DERA: variants seen among roughly 807,000 people sequenced by gnomAD.
The protein encoded by DERA is 2-deoxy-D-ribose 5-phosphate aldolase.
A neutral mutation model predicts 41.1 loss-of-function variants in DERA; 15 were observed. That is an observed-to-expected ratio of 0.37 (90% CI 0.24 to 0.56). The LOEUF (loss-of-function observed/expected upper bound fraction) is 0.56. Among genes scored for constraint, DERA ranks in the 20% least tolerant of loss-of-function variants. The pLI is 0.81. For synonymous variants in DERA, 139 were observed against 137.4 expected (o/e 1.01, Z -0.08); for missense variants, 396 against 403.4 (o/e 0.98, Z 0.16).
rs1048201196 is a variant in DERA at position 15,957,660 on chromosome 12, A to G, written c.130-528A>G. On this transcript the variant is annotated intron_variant, in intron 2 of 8. Transcript: ENST00000428559. This position sits in a 1 kb window ranked among gnomAD's most constrained non-coding sequence, Gnocchi z 4.8. ...TCACGTTTTGCTCATCCTTAGAAATATTCTGGTTGAAAAGGTAAAATAAAA... is the reference window on the plus strand; with the variant it reads ...TCACGTTTTGCTCATCCTTAGAAATGTTCTGGTTGAAAAGGTAAAATAAAA... Among the ~76,000 whole-genome samples the G allele has an allele frequency of 6.6e-6, 1 of 152,230 alleles. No homozygotes were observed. Among genetic ancestry groups the G allele is most frequent in the Non-Finnish European group, 1.5e-5 (1 of 68,044 alleles).
chr12:15,942,625 A>G (rs1565590305), intron 1 of DERA, among the ~76,000 whole-genome samples: 1 of 152,192 alleles, frequency 6.6e-6, no homozygotes, highest in Non-Finnish European at 1.5e-5. Context: ...GTAGCCACGA[A>G]TATTCTGAGT....
In DERA at chr12:15,940,537, G is replaced by A. The variant is rs142870959; in HGVS notation, c.32-16399G>A. On this transcript the variant is annotated intron_variant, in intron 1 of 8. Transcript: ENST00000428559. This position sits in a 1 kb window ranked among gnomAD's most constrained non-coding sequence, Gnocchi z 5.1. ...TGGCTGATTTTTTGTATTTGTAGTA[G>A]AGACAGAGTTTCACCATGTTAGCCA... 9.9e-4 allele frequency among the ~76,000 whole-genome samples: 151 copies of A among 152,182 alleles called. 2 individuals carry two copies. The East Asian group carries it at 0.027, about 27-fold the overall frequency.
chr12:15,995,746 A>C lies in DERA; in HGVS notation c.637+13310A>C, dbSNP rs1445150897. On this transcript the variant is annotated intron_variant, in intron 6 of 8. Transcript: ENST00000428559. The surrounding 1 kb of genome is among the most constrained non-coding windows in gnomAD (Gnocchi z 5.1). ...CACAGCACAGGATGAGATAAATTGA[A>C]CCCTTCTCATGAAGAGTGGTTGGAA... is the stretch of plus-strand genomic sequence containing the variant. 1.3e-5 allele frequency among the ~76,000 whole-genome samples: 2 copies of C among 152,110 alleles called. No homozygotes were observed. Among genetic ancestry groups the C allele is most frequent in the African/African-American group, 4.8e-5 (2 of 41,404 alleles).
intron 4 of DERA, among the ~76,000 whole-genome samples, chr12:15,960,967 A>G (rs1404633905): frequency 6.6e-6 from 1 of 152,170 alleles, no homozygotes; most frequent in African/African-American, 2.4e-5. Context: ...CTAGAGAGGG[A>G]GATCAGGGCA....
rs1948247412 is a variant in DERA, at chr12:15,921,935, A to G, written c.31+10521A>G. Among the ~76,000 whole-genome samples, 1 of 152,090 alleles carries G rather than the reference A, an allele frequency of 6.6e-6. No homozygotes were observed. The highest frequency in any genetic ancestry group is 1.5e-5 in the Non-Finnish European group (1 of 68,022). ...GCAAAACTCCATCTCAGATAATAATAATAATAATAAATAATTTTCCAAGGA... is the reference window on the plus strand; with the variant it reads ...GCAAAACTCCATCTCAGATAATAATGATAATAATAAATAATTTTCCAAGGA... On this transcript the variant is annotated intron_variant, in intron 1 of 8. Transcript: ENST00000428559. The surrounding 1 kb of genome is among the most constrained non-coding windows in gnomAD (Gnocchi z 5.3).
At position 16,008,772 on chromosome 12, in the gene DERA, C is replaced by T. The variant is rs1000655680; in HGVS notation, c.638-23770C>T. On this transcript the variant is annotated intron_variant, in intron 6 of 8. Coordinates refer to ENST00000428559, the MANE Select transcript of DERA (RefSeq NM_015954.4). This position sits in a 1 kb window ranked among gnomAD's most constrained non-coding sequence, Gnocchi z 4.8. ...GGTTACAAGATGGCTGCCACAGCTCCAGTCATGTTTATATTCAGAATAGGA... is the reference window on the plus strand; with the variant it reads ...GGTTACAAGATGGCTGCCACAGCTCTAGTCATGTTTATATTCAGAATAGGA... 8.5e-5 allele frequency among the ~76,000 whole-genome samples: 13 copies of T among 152,196 alleles called. No homozygotes were observed. Among genetic ancestry groups the T allele is most frequent in the Admixed American group, 8.5e-4 (13 of 15,276 alleles).
At position 15,928,419 on chromosome 12, in the gene DERA, A is replaced by T. The variant is rs1378495084; in HGVS notation, c.31+17005A>T. ...GATTTTTGAACAAGAAACAGAAAGG[A>T]TTACTTTAAATTTCAACTCTTTCTG... On this transcript the variant is annotated intron_variant, in intron 1 of 8. Coordinates refer to ENST00000428559, the MANE Select transcript of DERA (RefSeq NM_015954.4). This position sits in a 1 kb window ranked among gnomAD's most constrained non-coding sequence, Gnocchi z 4.6. Among the ~76,000 whole-genome samples, 1 of 152,234 alleles carries T rather than the reference A, an allele frequency of 6.6e-6. No individual in the cohort carries two copies. The highest frequency in any genetic ancestry group is 1.9e-4 in the East Asian group (1 of 5,208).
chr12:15,958,327 A>G lies in DERA; in HGVS notation c.269A>G (p.His90Arg). The change falls in exon 3 of 9, where the codon CAT becomes CGT. Residue 90 changes from histidine to arginine, a missense_variant. By Grantham distance (29) the His-to-Arg change is conservative. Transcript: ENST00000428559. The stretch of plus-strand genomic sequence containing the variant: ...GATCTCTTAAAAGCTTTAAATATGC[A>G]TGATAAAGGTAATGTTGTTGTGTGT... ...REDLLKALNM[H>R]DKGITTAAVC... The G allele has an allele frequency of 1.2e-6, 2 of 1,602,382 alleles. No homozygotes were observed. Among genetic ancestry groups the G allele is most frequent in the Middle Eastern group, 3.4e-4 (2 of 5,870 alleles).
In DERA at chr12:15,924,676, T is replaced by C. The variant is rs1948269270; in HGVS notation, c.31+13262T>C. On this transcript the variant is annotated intron_variant, in intron 1 of 8. Coordinates refer to ENST00000428559, the MANE Select transcript of DERA (RefSeq NM_015954.4). This position sits in a 1 kb window ranked among gnomAD's most constrained non-coding sequence, Gnocchi z 5.0. ...ATATATAATTAAATTACCTTTAACT[T>C]GATGAGTGATCAATAAATGGTAGCC... 6.6e-6 allele frequency among the ~76,000 whole-genome samples: 1 copy of C among 152,198 alleles called. No homozygotes were observed. Among genetic ancestry groups the C allele is most frequent in the African/African-American group, 2.4e-5 (1 of 41,444 alleles).
At chr12:16,027,096 T>C (rs1302333216) in intron 6 of DERA, among the ~76,000 whole-genome samples, 1 of 152,096 alleles carries the variant, frequency 6.6e-6, no homozygotes, top group Non-Finnish European at 1.5e-5. Context: ...CCAACACCCA[T>C]TTATAAGAAA....
At chr12:16,034,824 T>A (rs1949116242) in intron 7 of DERA, among the ~76,000 whole-genome samples, 1 of 152,152 alleles carries the variant, frequency 6.6e-6, no homozygotes, top group Non-Finnish European at 1.5e-5. Context: ...CAAACTGAAC[T>A]GTATAGGAAA....
chr12:16,005,975 C>T (rs1948907719), intron 6 of DERA, among the ~76,000 whole-genome samples: 1 of 152,210 alleles, frequency 6.6e-6, no homozygotes, highest in Non-Finnish European at 1.5e-5. Context: ...ATCACCCCCT[C>T]CCCATTCCTG....
Position 15,936,931 on chromosome 12 carries a change from CTGTCTTGTCCTG to C in DERA, c.32-20003_32-19992del, listed in dbSNP as rs1948371420. Among the ~76,000 whole-genome samples, 1 of 133,314 alleles carries C rather than the reference CTGTCTTGTCCTG, an allele frequency of 7.5e-6. No individual in the cohort carries two copies. Among genetic ancestry groups the C allele is most frequent in the African/African-American group, 3.1e-5 (1 of 32,450 alleles). 87.5% of individuals were successfully genotyped at this position (133,314 alleles called of 152,430 possible). A position where few individuals can be genotyped will look rare whatever the true frequency, so the allele number is the denominator to read the frequency against. ...CTGTCCTGTCCTGTCCTGTCCTGTCCTGTCTTGTCCTGTCCCGTCCTGTCCTGCCCTGCCCTG... is the reference window on the plus strand; with the variant it reads ...CTGTCCTGTCCTGTCCTGTCCTGTCCTCCCGTCCTGTCCTGCCCTGCCCTG... On this transcript the variant is annotated intron_variant, in intron 1 of 8. Coordinates refer to ENST00000428559, the MANE Select transcript of DERA (RefSeq NM_015954.4). This position sits in a 1 kb window ranked among gnomAD's most constrained non-coding sequence, Gnocchi z 4.6.
chr12:15,952,576 T>C (rs1948506722), intron 1 of DERA, among the ~76,000 whole-genome samples: 1 of 152,212 alleles, frequency 6.6e-6, no homozygotes, highest in African/African-American at 2.4e-5. Flanking sequence ...TTTAATAGCA[T>C]TTTACTTAGC....
At position 15,935,462 on chromosome 12, in the gene DERA, G is replaced by A. The variant is rs1226028723; in HGVS notation, c.32-21474G>A. Among the ~76,000 whole-genome samples, 2 of 152,138 alleles carry A rather than the reference G, an allele frequency of 1.3e-5. No individual in the cohort carries two copies. The highest frequency in any genetic ancestry group is 2.1e-4 in the South Asian group (1 of 4,826). On this transcript the variant is annotated intron_variant, in intron 1 of 8. Coordinates refer to ENST00000428559, the MANE Select transcript of DERA (RefSeq NM_015954.4). This position sits in a 1 kb window ranked among gnomAD's most constrained non-coding sequence, Gnocchi z 4.8. ...TGATTATGCCACTGCACTCCAGCCT[G>A]GGCAACAGAGTGAGACCCTGTCTCA...
At chr12:15,948,467 C>A (rs1474149174) in intron 1 of DERA, among the ~76,000 whole-genome samples, 1 of 152,140 alleles carries the variant, frequency 6.6e-6, no homozygotes, top group Non-Finnish European at 1.5e-5. Context: ...ATCATTGATA[C>A]CCTTTCTTCC....
In DERA at chr12:15,990,108, T is replaced by G. The variant is rs530023638; in HGVS notation, c.637+7672T>G. On this transcript the variant is annotated intron_variant, in intron 6 of 8. Coordinates refer to ENST00000428559, the MANE Select transcript of DERA (RefSeq NM_015954.4). The surrounding 1 kb of genome is among the most constrained non-coding windows in gnomAD (Gnocchi z 4.3). Reference sequence around the variant, plus strand: ...ATTAGTATACCTTCCTTCTCCATCCTACGTCAATAAGAAAGGAAACATAAT... The same window carrying G: ...ATTAGTATACCTTCCTTCTCCATCCGACGTCAATAAGAAAGGAAACATAAT... Among the ~76,000 whole-genome samples the G allele has an allele frequency of 3.0e-4, 45 of 152,326 alleles. No homozygotes were observed. Among genetic ancestry groups the G allele is most frequent in the African/African-American group, 1.0e-3 (42 of 41,580 alleles).
chr12:15,955,976 G>A (rs1224011422), intron 1 of DERA, among the ~76,000 whole-genome samples: 3 of 152,214 alleles, frequency 2.0e-5, no homozygotes, highest in Non-Finnish European at 2.9e-5. Context: ...GGTAAATAAT[G>A]TTCATGTCCG....
chr12:16,008,712 G>T lies in DERA; in HGVS notation c.638-23830G>T, dbSNP rs1435697942. Among the ~76,000 whole-genome samples, 1 of 152,182 alleles carries T rather than the reference G, an allele frequency of 6.6e-6. No individual in the cohort carries two copies. Among genetic ancestry groups the T allele is most frequent in the African/African-American group, 2.4e-5 (1 of 41,452 alleles). On this transcript the variant is annotated intron_variant, in intron 6 of 8. Transcript: ENST00000428559. This position sits in a 1 kb window ranked among gnomAD's most constrained non-coding sequence, Gnocchi z 4.8. The stretch of plus-strand genomic sequence containing the variant: ...TCACCGCTGTTGGCTCATCATTAGT[G>T]TCAGGATTGGGGCCGCTCTTGGCAT...
Sources: allele counts gnomAD v4.1 joint callset (sites outside exome capture counted in the v4.1 genomes callset), GRCh38; gene constraint gnomAD v4.1.1; non-coding constraint Gnocchi (gnomAD v3.1); transcripts MANE v1.5; gene names NCBI Gene and HGNC (gene_info 2026-07-23, HGNC 2026-07-21).